The following FAM117A variants were observed in gnomAD, a reference collection of about 807,000 sequenced individuals.
The protein encoded by FAM117A is family with sequence similarity 117 member A, also known as protein FAM117A.
FAM117A carries 21 observed loss-of-function variants against 44.1 expected under a neutral mutation model. That is an observed-to-expected ratio of 0.48 (90% CI 0.34 to 0.69). The LOEUF is 0.69. Among genes scored for constraint, FAM117A ranks in the 30% least tolerant of loss-of-function variants. The pLI is 0.01. For synonymous variants in FAM117A, 220 were observed against 238.3 expected (o/e 0.92, Z 0.71); for missense variants, 498 against 589.9 (o/e 0.84, Z 1.61).
In FAM117A at chr17:49,722,097, A is replaced by AAAAC. The variant is rs924583580; in HGVS notation, c.462+398_462+401dup. Among the ~76,000 whole-genome samples, 9 of 152,292 alleles carry AAAAC rather than the reference A, an allele frequency of 5.9e-5. No homozygotes were observed. The East Asian group carries it at 7.7e-4, about 13-fold the overall frequency. ...CTGGCCAGTAGAGACTCTGTTTCCA[A>AAAAC]AAACAAACAAACAAACAAAAAACTA... On this transcript the variant is annotated intron_variant, in intron 3 of 7. Transcript: ENST00000240364.
intron 1 of FAM117A, among the ~76,000 whole-genome samples, chr17:49,744,808 G>A (rs993937473): frequency 1.3e-5 from 2 of 151,360 alleles, no homozygotes; most frequent in Admixed American, 1.3e-4. Flanking sequence ...GAGCCCAGGA[G>A]TTTGAGACCA....
upstream of FAM117A, among the ~76,000 whole-genome samples, chr17:49,767,419 G>A (rs1018430824): frequency 6.6e-6 from 1 of 152,208 alleles, no homozygotes; most frequent in African/African-American, 2.4e-5. Context: ...GCCAGACACT[G>A]AGCTAGGCAC....
intron 1 of FAM117A, among the ~76,000 whole-genome samples, chr17:49,754,151 T>C (rs2073688195): frequency 7.0e-6 from 1 of 143,462 alleles, no homozygotes; most frequent in African/African-American, 2.5e-5. Context: ...TTATGTCATA[T>C]CTGATGGGCA....
At position 49,774,946 on chromosome 17, in the gene FAM117A, G is replaced by A. The variant is rs551788327; in HGVS notation, c.-621+13551C>T. On this transcript the variant is annotated intron_variant, in intron 1 of 7. Transcript: ENST00000513602. ...ACAGTGCCTTGGAAGGGGTCTGTGC[G>A]AGTAATGGGCTCTGACTCCCTAAGT... 3.3e-5 allele frequency among the ~76,000 whole-genome samples: 5 copies of A among 152,248 alleles called. No homozygotes were observed. The South Asian group carries it at 6.2e-4, about 19-fold the overall frequency.
intron 2 of FAM117A, among the ~76,000 whole-genome samples, chr17:49,728,409 CTT>C (rs377735178): frequency 1.4e-5 from 2 of 140,248 alleles, no homozygotes; most frequent in Non-Finnish European, 1.6e-5. Context: ...AAGACTTAAG[CTT>C]TTTTTTTTTT....
chr17:49,729,450 G>A (rs149113819), intron 2 of FAM117A, among the ~76,000 whole-genome samples: 2 of 151,526 alleles, frequency 1.3e-5, no homozygotes, highest in East Asian at 3.9e-4. Context: ...GGCAGCGGTA[G>A]GAACAGCCCC....
intron 1 of FAM117A, among the ~76,000 whole-genome samples, chr17:49,781,493 A>G (rs1372344449): frequency 1.3e-5 from 2 of 152,362 alleles, no homozygotes; most frequent in East Asian, 3.9e-4. Flanking sequence ...AAATAAAAAC[A>G]GGAGAGAGCT....
chr17:49,729,891 C>A (rs1382677376), intron 2 of FAM117A, among the ~76,000 whole-genome samples: 3 of 152,190 alleles, frequency 2.0e-5, no homozygotes, highest in Non-Finnish European at 4.4e-5. Context: ...TCTCCAGACA[C>A]CTTCATGTCT....
chr17:49,745,013 CA>C (rs34358343), intron 1 of FAM117A, among the ~76,000 whole-genome samples: 25,505 of 71,482 alleles, frequency 0.36, 1,575 homozygotes, highest in Middle Eastern at 0.5. Context: ...GACTCTGTCT[CA>C]AAAAAAAAAA....
At chr17:49,752,655 T>A (rs952032702) in intron 1 of FAM117A, among the ~76,000 whole-genome samples, 1 of 152,094 alleles carries the variant, frequency 6.6e-6, no homozygotes, top group Non-Finnish European at 1.5e-5. Context: ...GTCCTATCTG[T>A]CCCTGGTTAG....
intron 1 of FAM117A, among the ~76,000 whole-genome samples, chr17:49,778,232 T>C (rs753281953): frequency 7.2e-5 from 11 of 152,228 alleles, no homozygotes; most frequent in Non-Finnish European, 1.6e-4. Context: ...TCCACCCAAG[T>C]CTACCTCTTT....
At chr17:49,784,555 G>C (rs1348381607) in intron 1 of FAM117A, among the ~76,000 whole-genome samples, 1 of 152,148 alleles carries the variant, frequency 6.6e-6, no homozygotes, top group African/African-American at 2.4e-5. Context: ...GGCACCCATA[G>C]ATAATGCTCC....
chr17:49,766,167 G>C (rs376442892), upstream of FAM117A, among the ~76,000 whole-genome samples: 10 of 152,158 alleles, frequency 6.6e-5, no homozygotes, highest in Admixed American at 3.9e-4. Context: ...GAGAAATACA[G>C]TAACATGCCC....
chr17:49,725,388 T>G (rs1184381864), intron 2 of FAM117A, among the ~76,000 whole-genome samples: 2 of 152,166 alleles, frequency 1.3e-5, no homozygotes, highest in Non-Finnish European at 2.9e-5. Flanking sequence ...ACACAAATAC[T>G]TGTCCCGTCT....
chr17:49,711,671 A>G (rs1408611991), intron 7 of FAM117A, 116 bp from the exon 8 acceptor site: 2 of 1,001,404 alleles, frequency 2.0e-6, no homozygotes, highest in Non-Finnish European at 3.0e-6. Context: ...TCTCTGTTCA[A>G]ACAGAATTGG....
In FAM117A at chr17:49,773,533, C is replaced by T. The variant is rs1309762971; in HGVS notation, c.-621+14964G>A. 5 of 150,706 alleles carry T rather than the reference C, an allele frequency of 3.3e-5. No individual in the cohort carries two copies. The East Asian group carries it at 7.8e-4, about 24-fold the overall frequency. The allele number at this position is 150,706 out of a possible 1,614,324, so 9.3% of individuals were successfully genotyped here. A position where few individuals can be genotyped will look rare whatever the true frequency, so the allele number is the denominator to read the frequency against. On this transcript the variant is annotated intron_variant, in intron 1 of 7. Coordinates refer to the FAM117A transcript ENST00000513602. ...AGATATAAATTGTTGTACATAACTA[C>T]AAAATATCACCACAGATTCTTATTA...
In FAM117A at chr17:49,710,521, A is replaced by G. The variant is rs1250781516; in HGVS notation, c.*734T>C. 1.3e-5 allele frequency: 2 copies of G among 152,662 alleles called. No homozygotes were observed. Among genetic ancestry groups the G allele is most frequent in the East Asian group, 1.9e-4 (1 of 5,186 alleles). The allele number at this position is 152,662 out of a possible 1,614,324, so 9.5% of individuals were successfully genotyped here. ...CTTTGGGAGAAAATAGAGTCTCTAC[A>G]TCGATACAAGAAAAATAGGCATTTT... On this transcript the variant is annotated 3_prime_UTR_variant, in exon 8 of 8. Transcript: ENST00000240364.
chr17:49,755,192 T>C (rs1407564890), intron 1 of FAM117A, among the ~76,000 whole-genome samples: 1 of 152,148 alleles, frequency 6.6e-6, no homozygotes, highest in Non-Finnish European at 1.5e-5. Context: ...CACTTCCCTA[T>C]CTGGTGGTTG....
chr17:49,736,296 G>A lies in FAM117A; in HGVS notation c.197-3576C>T, dbSNP rs573896586. 1.2e-4 allele frequency among the ~76,000 whole-genome samples: 18 copies of A among 146,880 alleles called. No homozygotes were observed. The South Asian group carries it at 2.8e-3, about 23-fold the overall frequency. On this transcript the variant is annotated intron_variant, in intron 1 of 7. Coordinates refer to ENST00000240364, the MANE Select transcript of FAM117A (RefSeq NM_030802.4). ...TTTTGAGACGGAGTCACGCTTTGTC[G>A]CCCAGGCTGGAGTGCAGTGGCACAA...
Sources: gnomAD v4.1 joint callset for allele counts (sites outside exome capture counted in the v4.1 genomes callset) on GRCh38, gnomAD v4.1.1 for gene constraint, MANE v1.5 for transcripts, NCBI Gene and HGNC (gene_info 2026-07-23, HGNC 2026-07-21) for gene names.